The following XRN1 variants were observed in gnomAD, a reference collection of about 807,000 sequenced individuals.
The protein encoded by XRN1 is strand-exchange protein 1 homolog.
XRN1 carries 67 observed loss-of-function variants against 222.3 expected under a neutral mutation model. The observed-to-expected ratio is 0.30, with a 90% CI of 0.25 to 0.37. The LOEUF (loss-of-function observed/expected upper bound fraction) is 0.37, where lower values mean the gene tolerates loss of function less well. Ranked by LOEUF, XRN1 falls within the 10% of genes least tolerant of loss-of-function variation. The pLI is 1.00. For synonymous variants in XRN1, 643 were observed against 652.4 expected (o/e 0.99, Z 0.22); for missense variants, 1,707 against 2,000.2 (o/e 0.85, Z 2.80).
intron 30 of XRN1, among the ~76,000 whole-genome samples, chr3:142,357,998 A>G (rs573822293): frequency 6.6e-6 from 1 of 152,286 alleles, no homozygotes; most frequent in South Asian, 2.1e-4. Flanking sequence ...AGATTGCACC[A>G]CTGCACTCCA....
At chr3:142,341,441 TA>T (rs1560305975) in intron 33 of XRN1, among the ~76,000 whole-genome samples, 3 of 149,706 alleles carry the variant, frequency 2.0e-5, no homozygotes, top group African/African-American at 7.4e-5. Flanking sequence ...CACTTGTCAA[TA>T]ATAACAAAAG....
At position 142,443,557 on chromosome 3, in the gene XRN1, G is replaced by A. The variant is rs912484090; in HGVS notation, c.75+4313C>T. Among the ~76,000 whole-genome samples the A allele has an allele frequency of 3.3e-5, 5 of 152,174 alleles. No individual in the cohort carries two copies. In the South Asian group the frequency reaches 8.3e-4, roughly 25 times the overall value. ...GACAAGGATCGGGATGTAAACCCACGCATTCAAGCCGGCAACAGCAACCCC... is the reference window on the plus strand; with the variant it reads ...GACAAGGATCGGGATGTAAACCCACACATTCAAGCCGGCAACAGCAACCCC... On this transcript the variant is annotated intron_variant, in intron 1 of 40. Coordinates refer to ENST00000392981, the MANE Select transcript of XRN1 (RefSeq NM_001282857.2).
intron 27 of XRN1, among the ~76,000 whole-genome samples, chr3:142,369,389 G>A (rs1240510970): frequency 6.6e-6 from 1 of 152,124 alleles, no homozygotes; most frequent in African/African-American, 2.4e-5. Context: ...GCTCATGTCT[G>A]TAATCCCAGC....
chr3:142,420,544 G>C (rs548858036), intron 10 of XRN1, among the ~76,000 whole-genome samples: 25 of 152,006 alleles, frequency 1.6e-4, no homozygotes, highest in African/African-American at 5.5e-4. Context: ...ACTAATTTCT[G>C]TTTTTTTAGT....
At chr3:142,404,834 C>T in intron 16 of XRN1, 73 bp downstream of exon 16, 2 of 1,425,124 alleles carry the variant, frequency 1.4e-6, no homozygotes, top group Non-Finnish European at 9.8e-7. Context: ...TTCAAAGCTC[C>T]CCCTTCACCA....
intron 26 of XRN1, among the ~76,000 whole-genome samples, chr3:142,370,920 G>T (rs2066969203): frequency 6.6e-6 from 1 of 151,854 alleles, no homozygotes; most frequent in South Asian, 2.1e-4. Flanking sequence ...AACAAGACAC[G>T]CCTGTAATCC....
chr3:142,391,196 C>T (rs1484469797), intron 20 of XRN1, among the ~76,000 whole-genome samples: 1 of 151,974 alleles, frequency 6.6e-6, no homozygotes, highest in South Asian at 2.1e-4. Context: ...GATAGAGTTG[C>T]AACATGGTTG....
chr3:142,439,637 T>C (rs2070103124), intron 1 of XRN1, among the ~76,000 whole-genome samples: 1 of 152,082 alleles, frequency 6.6e-6, no homozygotes, highest in South Asian at 2.1e-4. Context: ...AGGAAAAAAC[T>C]TCAAAAGTCC....
Position 142,306,870 on chromosome 3 carries a change from T to TC in XRN1, c.*4640dup, listed in dbSNP as rs1443361162. 1 of 152,638 alleles carries TC rather than the reference T, an allele frequency of 6.6e-6. No homozygotes were observed. Among genetic ancestry groups the TC allele is most frequent in the African/African-American group, 2.4e-5 (1 of 41,458 alleles). The allele number at this position is 152,638 out of a possible 1,614,324, so 9.5% of individuals were successfully genotyped here. On this transcript the variant is annotated 3_prime_UTR_variant, in exon 41 of 41. Transcript: ENST00000392981. The stretch of plus-strand genomic sequence containing the variant: ...TTACAAAATGAGCACATAAAAGTCT[T>TC]CCCTTTTGAATTTTTAATAAAATAC...
intron 22 of XRN1, among the ~76,000 whole-genome samples, chr3:142,380,718 A>G (rs2067277492): frequency 6.6e-6 from 1 of 151,822 alleles, no homozygotes; most frequent in African/African-American, 2.4e-5. Flanking sequence ...TAGTGGCACT[A>G]TCATGGCTTG....
At chr3:142,347,915 TAA>T (rs2066195101) in intron 32 of XRN1, among the ~76,000 whole-genome samples, 1 of 152,032 alleles carries the variant, frequency 6.6e-6, no homozygotes, top group African/African-American at 2.4e-5. Context: ...CTCCTTTCAA[TAA>T]AAGAATTAAA....
At chr3:142,345,386 T>C (rs1320455205) in intron 33 of XRN1, among the ~76,000 whole-genome samples, 1 of 152,204 alleles carries the variant, frequency 6.6e-6, no homozygotes, top group Non-Finnish European at 1.5e-5. Flanking sequence ...ATACCATGTA[T>C]AAACTTTTAC....
chr3:142,414,800 C>T (rs903901390), intron 13 of XRN1, among the ~76,000 whole-genome samples: 1 of 152,104 alleles, frequency 6.6e-6, no homozygotes, highest in Non-Finnish European at 1.5e-5. Flanking sequence ...TGGCCTATTT[C>T]CTGAATTTTT....
At chr3:142,393,410 T>A (rs527999634) in intron 20 of XRN1, among the ~76,000 whole-genome samples, 430 of 144,390 alleles carry the variant, frequency 3.0e-3, no homozygotes, top group Admixed American at 4.6e-3. Flanking sequence ...CATGCCTATG[T>A]CCTGAATGGT....
In XRN1 at chr3:142,398,758, C is replaced by T. The variant is rs148074884; in HGVS notation, c.2208-1298G>A. On this transcript the variant is annotated intron_variant, in intron 19 of 40. Transcript: ENST00000392981. ...GCTTACAGGAAATATGTGGGATAGA[C>T]GACAAAGTTAAATGACACTAAAAGG... Among the ~76,000 whole-genome samples, 14 of 152,008 alleles carry T rather than the reference C, an allele frequency of 9.2e-5. No homozygotes were observed. In the East Asian group the frequency reaches 2.3e-3, roughly 25 times the overall value.
intron 1 of XRN1, among the ~76,000 whole-genome samples, chr3:142,441,214 C>CT (rs1268829026): frequency 9.2e-5 from 14 of 152,322 alleles, no homozygotes; most frequent in African/African-American, 3.4e-4. Context: ...CCTAAAGCAA[C>CT]TAAGAGGGTT....
At chr3:142,389,494 C>T (rs1404398236) in intron 20 of XRN1, among the ~76,000 whole-genome samples, 1 of 152,050 alleles carries the variant, frequency 6.6e-6, no homozygotes, top group Non-Finnish European at 1.5e-5. Flanking sequence ...TGAATCCTTT[C>T]CAGAACGTTT....
rs1048701327 is a variant in XRN1, at chr3:142,414,170, C to A, written c.1558G>T (p.Ala520Ser). ...PFEQLLAVLP[A>S]ASKNLLPACY... ...GCAGGAAGTAAATTTTTGCTGGCTG[C>A]TGGAAGTACAGCAAGAAGCTGTTCA... Residue 520 changes from alanine (A) to serine (S), a missense_variant, in exon 14 of 41, where the codon GCA becomes TCA. Physicochemically the swap from Ala to Ser is moderately conservative, Grantham distance 99. Coordinates refer to ENST00000392981, the MANE Select transcript of XRN1 (RefSeq NM_001282857.2). 49 of 1,612,660 alleles carry A rather than the reference C, an allele frequency of 3.0e-5. No homozygotes were observed. Among genetic ancestry groups the A allele is most frequent in the Non-Finnish European group, 4.2e-5 (49 of 1,179,434 alleles).
rs530601698 is a variant in XRN1, at chr3:142,448,019, C to G, written c.-75G>C. On this transcript the variant is annotated 5_prime_UTR_variant, in exon 1 of 41. Coordinates refer to ENST00000392981, the MANE Select transcript of XRN1 (RefSeq NM_001282857.2). Reference sequence around the variant, plus strand: ...CCCGCCGGGGCTCCGCCGCAGCCTCCGGTCGTCGCTCCGCGGATGACAACA... The same window carrying G: ...CCCGCCGGGGCTCCGCCGCAGCCTCGGGTCGTCGCTCCGCGGATGACAACA... 1.9e-5 allele frequency: 29 copies of G among 1,501,838 alleles called. No homozygotes were observed. Among genetic ancestry groups the G allele is most frequent in the African/African-American group, 8.3e-5 (6 of 72,362 alleles). The allele number at this position is 1,501,838 out of a possible 1,614,324, so 93.0% of individuals were successfully genotyped here. A position where few individuals can be genotyped will look rare whatever the true frequency, so the allele number is the denominator to read the frequency against.
Sources: allele counts gnomAD v4.1 joint callset (sites outside exome capture counted in the v4.1 genomes callset), GRCh38; gene constraint gnomAD v4.1.1; transcripts MANE v1.5; gene names NCBI Gene and HGNC (gene_info 2026-07-23, HGNC 2026-07-21).